Variants in APBB1IP observed in about 807,000 individuals in gnomAD.
APBB1IP encodes the protein amyloid beta A4 precursor protein-binding family B member 1-interacting protein.
APBB1IP carries 27 observed loss-of-function variants against 64.9 expected under a neutral mutation model. The ratio of observed to expected loss-of-function variants is 0.42; its 90% CI spans 0.31 to 0.57. APBB1IP has a LOEUF of 0.57. Among genes scored for constraint, APBB1IP ranks in the 20% least tolerant of loss-of-function variants. The pLI, the probability that APBB1IP is intolerant of heterozygous loss-of-function variation, is 0.20. For missense variants in APBB1IP, 812 were observed against 845.5 expected, an observed-to-expected ratio of 0.96 and a Z score of 0.49; for synonymous variants, 392 against 331.0, an observed-to-expected ratio of 1.18 and a Z score of -2.00.
intron 2 of APBB1IP, among the ~76,000 whole-genome samples, chr10:26,469,347 C>T (rs1835689014): frequency 6.8e-6 from 1 of 146,244 alleles, no homozygotes; most frequent in African/African-American, 2.6e-5. Context: ...GCAACCTCTG[C>T]CTCCCAGCTC....
At position 26,473,114 on chromosome 10, in the gene APBB1IP, A is replaced by T. The variant is rs575667136; in HGVS notation, c.1-19213A>T. Among the ~76,000 whole-genome samples the T allele has an allele frequency of 2.0e-5, 3 of 152,314 alleles. No individual in the cohort carries two copies. The East Asian group carries it at 5.8e-4, about 29-fold the overall frequency. On this transcript the variant is annotated intron_variant, in intron 2 of 14. Coordinates refer to ENST00000376236, the MANE Select transcript of APBB1IP (RefSeq NM_019043.4). ...TCAACTCTTTGTTACTCAAGCCCTT[A>T]GTCTTGTTCCTTACAACTTTTAGAG...
chr10:26,461,709 C>T lies in APBB1IP; in HGVS notation c.-1+22856C>T, dbSNP rs1208226385. Among the ~76,000 whole-genome samples, 3 of 151,958 alleles carry T rather than the reference C, an allele frequency of 2.0e-5. No homozygotes were observed. In the East Asian group the frequency reaches 5.8e-4, roughly 29 times the overall value. ...AAAGATGTCTCTCCCTACATTAATTCCCGTAACATGGTAGTTCCCTTCATT... is the reference window on the plus strand; with the variant it reads ...AAAGATGTCTCTCCCTACATTAATTTCCGTAACATGGTAGTTCCCTTCATT... On this transcript the variant is annotated intron_variant, in intron 2 of 14. Transcript: ENST00000376236.
At chr10:26,477,733 A>G (rs996257060) in intron 2 of APBB1IP, among the ~76,000 whole-genome samples, 10 of 152,114 alleles carry the variant, frequency 6.6e-5, no homozygotes, top group Admixed American at 2.0e-4. Context: ...TGAATATACC[A>G]TGTTTCTAAT....
chr10:26,488,484 C>T (rs538581631), intron 2 of APBB1IP, among the ~76,000 whole-genome samples: 110 of 152,252 alleles, frequency 7.2e-4, no homozygotes, highest in Admixed American at 1.1e-3. Flanking sequence ...CCTCTCCCCT[C>T]GGCCTCCCAA....
chr10:26,461,768 T>A (rs961719635), intron 2 of APBB1IP, among the ~76,000 whole-genome samples: 1 of 152,158 alleles, frequency 6.6e-6, no homozygotes, highest in Middle Eastern at 3.2e-3. Context: ...AGTTTTATTA[T>A]TTTTTCTATC....
In APBB1IP at chr10:26,511,900, C is replaced by A; in HGVS notation, c.685C>A (p.Gln229Lys). 6.2e-7 allele frequency: 1 copy of A among 1,614,178 alleles called. No homozygotes were observed. Among genetic ancestry groups the A allele is most frequent in the Non-Finnish European group, 8.5e-7 (1 of 1,180,012 alleles). The change falls in exon 7 of 15, where the codon CAA becomes AAA. Residue 229 changes from glutamine (Q) to lysine (K), a missense_variant. By Grantham distance (53) the Gln-to-Lys change is moderately conservative. Transcript: ENST00000376236. The part of the protein sequence containing the change: ...WCLYEIYPEL[Q>K]IERFFEDHEN... ...TCTTTATGAAATCTACCCGGAACTA[C>A]AAATTGGTAAGTCCCATCCCCAGCA...
At chr10:26,545,670 G>A (rs1414135696) in intron 11 of APBB1IP, among the ~76,000 whole-genome samples, 2 of 151,968 alleles carry the variant, frequency 1.3e-5, no homozygotes, top group African/African-American at 2.4e-5. Context: ...TGAGGCAGGA[G>A]AATGGCGTGA....
chr10:26,562,542 G>A (rs1351942834), intron 14 of APBB1IP, 113 bp downstream of exon 14: 5 of 835,318 alleles, frequency 6.0e-6, no homozygotes, highest in East Asian at 5.5e-5. Context: ...GCTCACACCT[G>A]TAATCCCAGA....
intron 11 of APBB1IP, among the ~76,000 whole-genome samples, chr10:26,546,039 T>C (rs1328778559): frequency 6.6e-6 from 1 of 152,198 alleles, no homozygotes; most frequent in South Asian, 2.1e-4. Context: ...TGACTATGGC[T>C]GTTCATGAAA....
chr10:26,510,039 G>A (rs905622425), intron 6 of APBB1IP, among the ~76,000 whole-genome samples: 1 of 151,968 alleles, frequency 6.6e-6, no homozygotes, highest in Non-Finnish European at 1.5e-5. Context: ...CTGCAATCTC[G>A]GCTCACTGCA....
chr10:26,501,042 A>G lies in APBB1IP; in HGVS notation c.384A>G (p.Leu128=), dbSNP rs779563635. ...ATGISQYEDD[L]PPPPADPVLD... is the part of the protein sequence containing the mutation. ...GTATCAGCCAATATGAGGATGACTT[A>G]CCACCTCCACCAGCCGATCCTGTGT... The change falls in exon 5 of 15, where the codon TTA becomes TTG. Residue 128 remains leucine (L), a synonymous_variant. Coordinates refer to ENST00000376236, the MANE Select transcript of APBB1IP (RefSeq NM_019043.4). 38 of 1,613,992 alleles carry G rather than the reference A, an allele frequency of 2.4e-5. No individual in the cohort carries two copies. The East Asian group carries it at 8.0e-4, about 34-fold the overall frequency.
chr10:26,488,765 G>C (rs894192864), intron 2 of APBB1IP, among the ~76,000 whole-genome samples: 1 of 152,190 alleles, frequency 6.6e-6, no homozygotes, highest in Admixed American at 6.5e-5. Context: ...TGCTGTGTTT[G>C]ATTCCTCTCT....
intron 2 of APBB1IP, among the ~76,000 whole-genome samples, chr10:26,469,693 C>A (rs1471206880): frequency 6.6e-6 from 1 of 151,914 alleles, no homozygotes; most frequent in Non-Finnish European, 1.5e-5. Flanking sequence ...CAGATGATCC[C>A]ATCACCCGGG....
intron 14 of APBB1IP, among the ~76,000 whole-genome samples, chr10:26,563,305 G>A (rs1429751215): frequency 2.6e-5 from 4 of 152,034 alleles, no homozygotes; most frequent in African/African-American, 9.6e-5. Flanking sequence ...GTGAGCTCTG[G>A]TTGCACCACT....
chr10:26,484,626 A>G (rs369451708), intron 2 of APBB1IP, among the ~76,000 whole-genome samples: 22 of 152,318 alleles, frequency 1.4e-4, no homozygotes, highest in African/African-American at 4.8e-4. Context: ...TACATGAAAA[A>G]TAGTGTATCC....
At chr10:26,483,916 A>C (rs1835863692) in intron 2 of APBB1IP, among the ~76,000 whole-genome samples, 3 of 152,042 alleles carry the variant, frequency 2.0e-5, no homozygotes. Flanking sequence ...TCTTGCTCAC[A>C]AATATTCTGT....
Position 26,567,080 on chromosome 10 carries a change from T to A in APBB1IP, c.1593T>A (p.Ser531Arg). The A allele has an allele frequency of 6.8e-7, 1 of 1,471,216 alleles. No individual in the cohort carries two copies. Among genetic ancestry groups the A allele is most frequent in the Non-Finnish European group, 8.9e-7 (1 of 1,125,574 alleles). 91.1% of individuals were successfully genotyped at this position (1,471,216 alleles called of 1,614,324 possible). A position where few individuals can be genotyped will look rare whatever the true frequency, so the allele number is the denominator to read the frequency against. Residue 531 changes from serine (S) to arginine (R), a missense_variant, in exon 15 of 15, where the codon AGT (serine) becomes AGA (arginine). Ser to Arg is a moderately radical substitution (Grantham distance 110). Coordinates refer to ENST00000376236, the MANE Select transcript of APBB1IP (RefSeq NM_019043.4). Reference sequence around the variant, plus strand: ...GGAGGTCCTCCGACACCAGCGGCAGTCCCGCCACGCCCCTCAAGGCCAAGG... The same window carrying A: ...GGAGGTCCTCCGACACCAGCGGCAGACCCGCCACGCCCCTCAAGGCCAAGG... ...PVRRSSDTSGSPATPLKAKGT... is the reference protein window; with the variant it reads ...PVRRSSDTSGRPATPLKAKGT...
intron 8 of APBB1IP, among the ~76,000 whole-genome samples, chr10:26,518,538 T>C (rs964006218): frequency 6.6e-6 from 1 of 152,230 alleles, no homozygotes; most frequent in African/African-American, 2.4e-5. Flanking sequence ...CCATTAACAT[T>C]GTATGAGAAT....
intron 2 of APBB1IP, among the ~76,000 whole-genome samples, chr10:26,459,703 G>GT (rs1278210594): frequency 3.3e-5 from 5 of 151,836 alleles, no homozygotes; most frequent in South Asian, 2.1e-4. Context: ...TACTTAAGGA[G>GT]TTTTTTTTAA....
Sources: gnomAD v4.1 joint callset for allele counts (sites outside exome capture counted in the v4.1 genomes callset) on GRCh38, gnomAD v4.1.1 for gene constraint, MANE v1.5 for transcripts, NCBI Gene and HGNC (gene_info 2026-07-23, HGNC 2026-07-21) for gene names.